MAPK10: variants seen among roughly 807,000 people sequenced by gnomAD.
MAPK10 encodes JNK3 alpha protein kinase.
Under a neutral mutation model 59.3 loss-of-function variants are expected in MAPK10, and 25 were observed. That is an observed-to-expected ratio of 0.42 (90% CI 0.31 to 0.59). The LOEUF (loss-of-function observed/expected upper bound fraction) is 0.59, where lower values mean the gene tolerates loss of function less well. Ranked by LOEUF, MAPK10 falls within the 20% of genes least tolerant of loss-of-function variation. MAPK10 has a pLI of 0.15. For missense variants in MAPK10, 351 were observed against 568.9 expected, an observed-to-expected ratio of 0.62 and a Z score of 3.90; for synonymous variants, 190 against 200.5, an observed-to-expected ratio of 0.95 and a Z score of 0.44.
At chr4:86,502,852 C>A (rs1017010101) in intron 1 of MAPK10, among the ~76,000 whole-genome samples, 5 of 152,058 alleles carry the variant, frequency 3.3e-5, no homozygotes, top group Admixed American at 2.6e-4. Context: ...AAATTTACCA[C>A]CAACACCTCA....
intron 2 of MAPK10, among the ~76,000 whole-genome samples, chr4:86,271,576 C>A (rs1436561166): frequency 5.3e-5 from 8 of 151,844 alleles, no homozygotes; most frequent in African/African-American, 1.9e-4. Context: ...CTGTATTAGT[C>A]CACTCTCACG....
At chr4:86,390,455 A>T (rs112419178) in intron 1 of MAPK10, among the ~76,000 whole-genome samples, 2,453 of 152,264 alleles carry the variant, frequency 0.016, 81 homozygotes, top group African/African-American at 0.055. Flanking sequence ...CCTTCCCCCA[A>T]GCAACTTGGG....
chr4:86,239,035 T>C (rs1290441012), intron 2 of MAPK10, among the ~76,000 whole-genome samples: 1 of 152,184 alleles, frequency 6.6e-6, no homozygotes, highest in Admixed American at 6.5e-5. Context: ...ATATCTAGTT[T>C]ATTGAGAGTT....
chr4:86,487,292 A>G (rs528326792), intron 1 of MAPK10, among the ~76,000 whole-genome samples: 22 of 152,210 alleles, frequency 1.4e-4, no homozygotes, highest in Admixed American at 9.2e-4. Flanking sequence ...GGAAATACAC[A>G]ATAAAGGACT....
chr4:86,135,324 T>C (rs533590126), intron 4 of MAPK10, among the ~76,000 whole-genome samples: 412 of 152,248 alleles, frequency 2.7e-3, no homozygotes, highest in Non-Finnish European at 5.0e-3. Flanking sequence ...TCTCCCAGCA[T>C]ACAGCTGGAG....
chr4:86,412,579 C>T (rs1745327997), intron 1 of MAPK10, among the ~76,000 whole-genome samples: 2 of 152,202 alleles, frequency 1.3e-5, no homozygotes, highest in African/African-American at 4.8e-5. Flanking sequence ...TCCCATATTT[C>T]TTGGAGGCTT....
chr4:86,235,222 TTA>T (rs551209783), intron 2 of MAPK10, among the ~76,000 whole-genome samples: 4 of 152,200 alleles, frequency 2.6e-5, no homozygotes, highest in Non-Finnish European at 4.4e-5. Flanking sequence ...GAGAGAACTT[TTA>T]TGAGTCCCAC....
intron 2 of MAPK10, among the ~76,000 whole-genome samples, chr4:86,304,475 C>T (rs1446711744): frequency 6.7e-6 from 1 of 148,698 alleles, no homozygotes; most frequent in Non-Finnish European, 1.5e-5. Context: ...TCACTGCAAG[C>T]TCCACCTCCC....
At chr4:86,528,567 T>C (rs1035968213) in intron 1 of MAPK10, among the ~76,000 whole-genome samples, 1 of 152,200 alleles carries the variant, frequency 6.6e-6, no homozygotes, top group Admixed American at 6.5e-5. Flanking sequence ...GGCCTCACTA[T>C]GTTGCCCAGG....
At chr4:86,480,904 C>T (rs1207991456) in intron 1 of MAPK10, among the ~76,000 whole-genome samples, 6 of 152,076 alleles carry the variant, frequency 3.9e-5, no homozygotes, top group Non-Finnish European at 7.3e-5. Flanking sequence ...GAATGGCCAG[C>T]GATGTAGAAA....
At chr4:86,256,830 T>C (rs28425193) in intron 2 of MAPK10, among the ~76,000 whole-genome samples, 19,560 of 139,746 alleles carry the variant, frequency 0.14, 1,287 homozygotes, top group Middle Eastern at 0.18. Flanking sequence ...AAGCTCCGCC[T>C]CCCGGGTTCA....
At chr4:86,480,514 C>T (rs76069906) in intron 1 of MAPK10, among the ~76,000 whole-genome samples, 4 of 152,048 alleles carry the variant, frequency 2.6e-5, no homozygotes, top group African/African-American at 7.2e-5. Flanking sequence ...CACACGGATG[C>T]GAGTGAAATG....
intron 4 of MAPK10, among the ~76,000 whole-genome samples, chr4:86,154,927 T>C (rs1229721942): frequency 6.6e-6 from 1 of 152,096 alleles, no homozygotes; most frequent in African/African-American, 2.4e-5. Context: ...GAAATATATA[T>C]TAAATACCTT....
At chr4:86,237,331 T>G (rs1297265329) in intron 2 of MAPK10, among the ~76,000 whole-genome samples, 1 of 152,224 alleles carries the variant, frequency 6.6e-6, no homozygotes, top group Admixed American at 6.5e-5. Context: ...TGCATGTGTC[T>G]TTATAGTAGA....
chr4:86,430,886 C>A (rs532416818), intron 1 of MAPK10, among the ~76,000 whole-genome samples: 147 of 152,246 alleles, frequency 9.7e-4, no homozygotes, highest in Non-Finnish European at 1.4e-3. Context: ...AACGGAAAAA[C>A]CATTGAAATA....
intron 2 of MAPK10, among the ~76,000 whole-genome samples, chr4:86,232,428 C>T (rs1287302095): frequency 2.0e-5 from 3 of 150,688 alleles, no homozygotes; most frequent in Non-Finnish European, 4.4e-5. Flanking sequence ...GGCTAGAGTG[C>T]AGTGGCACCA....
intron 9 of MAPK10, among the ~76,000 whole-genome samples, chr4:86,071,916 C>T (rs2048093369): frequency 8.0e-6 from 1 of 124,810 alleles, no homozygotes; most frequent in Admixed American, 7.6e-5. Flanking sequence ...TAGTTTTTTC[C>T]AATTCTGTGA....
intron 2 of MAPK10, among the ~76,000 whole-genome samples, chr4:86,293,818 G>A (rs1584213133): frequency 6.6e-6 from 1 of 152,206 alleles, no homozygotes; most frequent in Non-Finnish European, 1.5e-5. Flanking sequence ...ACTATCAAGA[G>A]GACAGCACCA....
chr4:86,146,014 G>A (rs549836951), intron 4 of MAPK10, among the ~76,000 whole-genome samples: 1 of 152,152 alleles, frequency 6.6e-6, no homozygotes, highest in Non-Finnish European at 1.5e-5. Context: ...ACCTTGAAGA[G>A]GACAGTACCA....
Sources: gnomAD v4.1 joint callset for allele counts (sites outside exome capture counted in the v4.1 genomes callset) on GRCh38, gnomAD v4.1.1 for gene constraint, MANE v1.5 for transcripts, NCBI Gene and HGNC (gene_info 2026-07-23, HGNC 2026-07-21) for gene names.